GREB1L: variants seen among roughly 807,000 people sequenced by gnomAD.
GREB1L encodes the protein GREB1 like retinoic acid receptor coactivator.
Under a neutral mutation model 200.8 loss-of-function variants are expected in GREB1L, and 17 were observed. The observed-to-expected ratio is 0.08, with a 90% CI of 0.06 to 0.13. The LOEUF is 0.13. Among genes scored for constraint, GREB1L ranks in the 10% least tolerant of loss-of-function variants. GREB1L has a pLI of 1.00. For synonymous variants in GREB1L, 789 were observed against 893.0 expected (o/e 0.88, Z 2.08); for missense variants, 1,657 against 2,367.7 (o/e 0.70, Z 6.23).
rs547706037 is a variant in GREB1L at position 21,286,231 on chromosome 18, A to G, written c.-120+43838A>G. Among the ~76,000 whole-genome samples, 16 of 152,326 alleles carry G rather than the reference A, an allele frequency of 1.1e-4. 1 individual carries two copies. In the South Asian group the frequency reaches 3.3e-3, roughly 32 times the overall value. ...AGAACTATCCTGATAAGCTTATGCC[A>G]GGGCTTGGATTACCTGTATGTGAAG... On this transcript the variant is annotated intron_variant, in intron 1 of 32. Coordinates refer to ENST00000424526, the MANE Select transcript of GREB1L (RefSeq NM_001142966.3).
At chr18:21,344,913 C>T (rs1356521654) in intron 1 of GREB1L, among the ~76,000 whole-genome samples, 1 of 152,164 alleles carries the variant, frequency 6.6e-6, no homozygotes. Context: ...TGTCCCTATC[C>T]CTAAATGTGA....
chr18:21,451,474 CTTCCTTTT>C, intron 13 of GREB1L: 1 of 151,044 alleles, frequency 6.6e-6, no homozygotes, highest in Non-Finnish European at 1.3e-5. Flanking sequence ...TCTTTCCTTC[CTTCCTTTT>C]TTTTTTTTTT....
At chr18:21,350,356 GC>G (rs1256357889) in intron 1 of GREB1L, among the ~76,000 whole-genome samples, 5 of 150,928 alleles carry the variant, frequency 3.3e-5, no homozygotes, top group Non-Finnish European at 7.4e-5. Context: ...TCCTGCCTCA[GC>G]CTCCCGAGTA....
Position 21,383,505 on chromosome 18 carries a change from G to T in GREB1L, c.-9-5G>T. Reference sequence around the variant, plus strand: ...TCCTTTCTTCTTTTTCTTGGGGATGGGTAGGTGTAGATCATGGGGAATTCA... The same window carrying T: ...TCCTTTCTTCTTTTTCTTGGGGATGTGTAGGTGTAGATCATGGGGAATTCA... On this transcript the variant is annotated splice_region_variant and splice_polypyrimidine_tract_variant and intron_variant, in intron 2 of 32. Transcript: ENST00000424526. 1 of 1,513,858 alleles carries T rather than the reference G, an allele frequency of 6.6e-7. No individual in the cohort carries two copies. The highest frequency in any genetic ancestry group is 8.8e-7 in the Non-Finnish European group (1 of 1,133,248). The allele number at this position is 1,513,858 out of a possible 1,614,324, so 93.8% of individuals were successfully genotyped here.
chr18:21,352,588 C>A (rs564850927), intron 1 of GREB1L, among the ~76,000 whole-genome samples: 1 of 151,876 alleles, frequency 6.6e-6, no homozygotes, highest in African/African-American at 2.4e-5. Context: ...TGCATGCCAC[C>A]ATGCTTGGCT....
intron 1 of GREB1L, among the ~76,000 whole-genome samples, chr18:21,353,315 A>G (rs141239050): frequency 8.2e-4 from 125 of 152,302 alleles, no homozygotes; most frequent in African/African-American, 2.9e-3. Flanking sequence ...ATTTGTAAGT[A>G]TTAACCGAGA....
chr18:21,498,114 G>A (rs1400124143), intron 21 of GREB1L, among the ~76,000 whole-genome samples: 3 of 152,042 alleles, frequency 2.0e-5, no homozygotes, highest in South Asian at 2.1e-4. Flanking sequence ...GAGCCACCGC[G>A]CCCAGCCTCT....
intron 1 of GREB1L, among the ~76,000 whole-genome samples, chr18:21,254,076 T>TA: frequency 7.0e-6 from 1 of 142,664 alleles, no homozygotes; most frequent in East Asian, 2.0e-4. Flanking sequence ...TTTTTTTTTT[T>TA]TTTTTTTTTT....
At chr18:21,374,476 TTGAA>T (rs2039994890) in intron 2 of GREB1L, among the ~76,000 whole-genome samples, 1 of 152,224 alleles carries the variant, frequency 6.6e-6, no homozygotes, top group African/African-American at 2.4e-5. Flanking sequence ...TTAATAGTAA[TTGAA>T]TGGTATTGCT....
At chr18:21,375,640 G>T (rs1359233141) in intron 2 of GREB1L, among the ~76,000 whole-genome samples, 2 of 152,158 alleles carry the variant, frequency 1.3e-5, no homozygotes, top group Non-Finnish European at 2.9e-5. Context: ...TTAATGGTCT[G>T]AGTGATAAAG....
At chr18:21,379,477 T>G (rs956363002) in intron 2 of GREB1L, among the ~76,000 whole-genome samples, 2 of 152,164 alleles carry the variant, frequency 1.3e-5, no homozygotes, top group African/African-American at 2.4e-5. Context: ...AGTGCTGAGA[T>G]TACTGATGTG....
chr18:21,318,210 C>T (rs2038902598), intron 1 of GREB1L, among the ~76,000 whole-genome samples: 1 of 151,924 alleles, frequency 6.6e-6, no homozygotes. Flanking sequence ...TGAAAATACC[C>T]ATTTCAGAAC....
intron 18 of GREB1L, 99 bp downstream of exon 18, chr18:21,485,852 G>A: frequency 8.4e-7 from 1 of 1,197,386 alleles, no homozygotes; most frequent in Non-Finnish European, 1.1e-6. Flanking sequence ...GGTGTTTGAT[G>A]GAGCCCTTGC....
chr18:21,518,991 CACAT>C (rs1279784733), intron 31 of GREB1L, among the ~76,000 whole-genome samples: 1 of 152,078 alleles, frequency 6.6e-6, no homozygotes, highest in Non-Finnish European at 1.5e-5. Flanking sequence ...GAAAAAAACA[CACAT>C]ATCCATACAC....
At chr18:21,514,602 C>T (rs2037352563) in intron 28 of GREB1L, among the ~76,000 whole-genome samples, 1 of 152,136 alleles carries the variant, frequency 6.6e-6, no homozygotes, top group Non-Finnish European at 1.5e-5. Flanking sequence ...GGTTTTAGCC[C>T]CAACTCTGTT....
At chr18:21,330,319 A>G (rs576804086) in intron 1 of GREB1L, among the ~76,000 whole-genome samples, 32 of 152,340 alleles carry the variant, frequency 2.1e-4, no homozygotes, top group African/African-American at 7.2e-4. Context: ...TGAGTATTCA[A>G]GGTCACTGTG....
chr18:21,510,245 C>A (rs535718677), intron 27 of GREB1L, among the ~76,000 whole-genome samples: 1 of 151,396 alleles, frequency 6.6e-6, no homozygotes, highest in Admixed American at 6.6e-5. Flanking sequence ...TGCTTTAATA[C>A]TTCTAAAGTG....
At position 21,285,491 on chromosome 18, in the gene GREB1L, C is replaced by A. The variant is rs145202143; in HGVS notation, c.-120+43098C>A. Among the ~76,000 whole-genome samples the A allele has an allele frequency of 1.2e-3, 181 of 152,186 alleles. 7 individuals carry two copies. In the East Asian group the frequency reaches 0.032, roughly 27 times the overall value. ...AATAAATGCAGGTTTTCTTGGAGGC[C>A]AGGTCATATCTGGGAGAGTAGTGGA... On this transcript the variant is annotated intron_variant, in intron 1 of 32. Transcript: ENST00000424526.
intron 1 of GREB1L, among the ~76,000 whole-genome samples, chr18:21,250,340 A>G (rs766250967): frequency 6.6e-6 from 1 of 152,120 alleles, no homozygotes; most frequent in Non-Finnish European, 1.5e-5. Context: ...CTCCTGCCAC[A>G]TTTGCCTGGG....
Sources: gnomAD v4.1 joint callset for allele counts (sites outside exome capture counted in the v4.1 genomes callset) on GRCh38, gnomAD v4.1.1 for gene constraint, MANE v1.5 for transcripts, NCBI Gene and HGNC (gene_info 2026-07-23, HGNC 2026-07-21) for gene names.